The following FRMD4A variants were observed in gnomAD, a reference collection of about 807,000 sequenced individuals.
FRMD4A encodes FERM domain containing 4A, also known as FERM domain-containing protein 4A.
Under a neutral mutation model 129.1 loss-of-function variants are expected in FRMD4A, and 29 were observed. The ratio of observed to expected loss-of-function variants is 0.22; its 90% CI spans 0.17 to 0.31. The LOEUF (loss-of-function observed/expected upper bound fraction) is 0.31, where lower values mean the gene tolerates loss of function less well. Among genes scored for constraint, FRMD4A ranks in the 10% least tolerant of loss-of-function variants. The pLI, the probability that FRMD4A is intolerant of heterozygous loss-of-function variation, is 1.00. For synonymous variants in FRMD4A, 634 were observed against 571.6 expected (o/e 1.11, Z -1.56); for missense variants, 1,272 against 1,375.8 (o/e 0.92, Z 1.19).
chr10:13,678,784 A>AT (rs1272376338), intron 15 of FRMD4A, among the ~76,000 whole-genome samples: 13 of 152,160 alleles, frequency 8.5e-5, no homozygotes, highest in African/African-American at 3.1e-4. Context: ...CTTTAAAAAA[A>AT]TTTTTTTAAT....
Position 14,160,218 on chromosome 10 carries a change from G to A in FRMD4A, c.45+169840C>T, listed in dbSNP as rs553521505. 4.6e-5 allele frequency among the ~76,000 whole-genome samples: 7 copies of A among 152,198 alleles called. No individual in the cohort carries two copies. In the South Asian group the frequency reaches 6.2e-4, roughly 14 times the overall value. ...GTGCCAAGAACATACATTGAGGAAC[G>A]AACATCCTCTTTAATAAATGGCCCT... On this transcript the variant is annotated intron_variant, in intron 2 of 24. Coordinates refer to ENST00000357447, the MANE Select transcript of FRMD4A (RefSeq NM_018027.5).
At chr10:13,858,758 C>T (rs1343440219) in intron 3 of FRMD4A, 89 bp downstream of exon 3, 5 of 808,256 alleles carry the variant, frequency 6.2e-6, no homozygotes, top group Non-Finnish European at 1.1e-5. Context: ...AAACAGTTTA[C>T]CAAATCCCCC....
intron 2 of FRMD4A, among the ~76,000 whole-genome samples, chr10:13,896,178 C>G (rs1162176277): frequency 6.6e-6 from 1 of 152,092 alleles, no homozygotes; most frequent in Non-Finnish European, 1.5e-5. Flanking sequence ...GGTATATACC[C>G]AAAGGATTAT....
chr10:14,296,992 C>T (rs1846030524), intron 2 of FRMD4A, among the ~76,000 whole-genome samples: 1 of 152,212 alleles, frequency 6.6e-6, no homozygotes, highest in Admixed American at 6.5e-5. Context: ...CAATACTTCT[C>T]ATCGTAGTGC....
At position 13,738,734 on chromosome 10, in the gene FRMD4A, C is replaced by T. The variant is rs7091708; in HGVS notation, c.673-804G>A. 9.5e-3 allele frequency among the ~76,000 whole-genome samples: 1,454 copies of T among 152,310 alleles called. 25 individuals carry two copies. Among genetic ancestry groups the T allele is most frequent in the African/African-American group, 0.033 (1,389 of 41,572 alleles). On this transcript the variant is annotated intron_variant, in intron 11 of 24. Coordinates refer to ENST00000357447, the MANE Select transcript of FRMD4A (RefSeq NM_018027.5). ...CTCCCAGGTTCAAGGAATTCACCCA[C>T]CTCAGCCTCCCAAGTAGCTGGGATT...
intron 2 of FRMD4A, among the ~76,000 whole-genome samples, chr10:14,158,910 A>T (rs974297303): frequency 6.6e-6 from 1 of 152,018 alleles, no homozygotes; most frequent in Non-Finnish European, 1.5e-5. Context: ...CACCATGTGG[A>T]TGAAGAGGAA....
At chr10:14,028,658 C>T (rs1007236175) in intron 2 of FRMD4A, among the ~76,000 whole-genome samples, 3 of 151,920 alleles carry the variant, frequency 2.0e-5, no homozygotes, top group Admixed American at 6.5e-5. Flanking sequence ...GGATGGAGAC[C>T]CCCATTTTCC....
In FRMD4A at chr10:13,684,404, G is replaced by A. The variant is rs189119816; in HGVS notation, c.1118-9360C>T. On this transcript the variant is annotated intron_variant, in intron 15 of 24. Coordinates refer to ENST00000357447, the MANE Select transcript of FRMD4A (RefSeq NM_018027.5). ...TGCTATGAACATTGTTTGAGACCCTGGAGACACTGCCTGTGTCACTGTGGG... is the reference window on the plus strand; with the variant it reads ...TGCTATGAACATTGTTTGAGACCCTAGAGACACTGCCTGTGTCACTGTGGG... The A allele has an allele frequency of 1.7e-4, 166 of 984,732 alleles. No individual in the cohort carries two copies. In the African/African-American group the frequency reaches 2.7e-3, roughly 16 times the overall value. 61.0% of individuals were successfully genotyped at this position (984,732 alleles called of 1,614,324 possible).
At chr10:14,301,198 T>A (rs1354719833) in intron 2 of FRMD4A, among the ~76,000 whole-genome samples, 4 of 152,262 alleles carry the variant, frequency 2.6e-5, no homozygotes, top group Admixed American at 6.5e-5. Context: ...TCATATTTTG[T>A]ACTTTCCCAG....
At position 13,666,573 on chromosome 10, in the gene FRMD4A, G is replaced by A. The variant is rs139717394; in HGVS notation, c.1375-248C>T. ...CCATCGCTGAGAACAGAGTTCCCACGATGCAGGTTTAGGGATCGCTTGGCT... is the reference window on the plus strand; with the variant it reads ...CCATCGCTGAGAACAGAGTTCCCACAATGCAGGTTTAGGGATCGCTTGGCT... On this transcript the variant is annotated intron_variant, in intron 17 of 24. Transcript: ENST00000357447. Among the ~76,000 whole-genome samples the A allele has an allele frequency of 1.6e-4, 25 of 152,310 alleles. No homozygotes were observed. In the East Asian group the frequency reaches 2.7e-3, roughly 16 times the overall value.
At chr10:13,969,795 C>T (rs1330641234) in intron 2 of FRMD4A, among the ~76,000 whole-genome samples, 2 of 152,140 alleles carry the variant, frequency 1.3e-5, no homozygotes. Flanking sequence ...TGCAATGAGT[C>T]GTGATTGCAC....
At chr10:13,787,357 C>T (rs947897090) in intron 5 of FRMD4A, among the ~76,000 whole-genome samples, 6 of 152,210 alleles carry the variant, frequency 3.9e-5, no homozygotes, top group Non-Finnish European at 5.9e-5. Flanking sequence ...GACCTCTCCA[C>T]CCGCACGCCC....
intron 2 of FRMD4A, among the ~76,000 whole-genome samples, chr10:14,075,825 C>T (rs1252506306): frequency 6.6e-6 from 1 of 152,156 alleles, no homozygotes; most frequent in African/African-American, 2.4e-5. Flanking sequence ...CAACAAACCA[C>T]ATCTGATGAT....
In FRMD4A at chr10:13,703,007, C is replaced by T. The variant is rs562038498; in HGVS notation, c.837-1529G>A. On this transcript the variant is annotated intron_variant, in intron 13 of 24. Transcript: ENST00000357447. ...GGGAGAGAGCGAGGGGGAGATCCCT[C>T]GCCAGTCTCTCTAAATTTAAAAGAA... Among the ~76,000 whole-genome samples the T allele has an allele frequency of 3.2e-4, 49 of 151,880 alleles. 1 individual carries two copies. In the South Asian group the frequency reaches 9.0e-3, roughly 28 times the overall value.
chr10:14,010,664 C>CTTTTTGTTTTTTTTTTTTTTTT, intron 2 of FRMD4A, among the ~76,000 whole-genome samples: 1 of 76,418 alleles, frequency 1.3e-5, no homozygotes, highest in Non-Finnish European at 2.4e-5. Flanking sequence ...GAGTTTAGGT[C>CTTTTTGTTTTTTTTTTTTTTTT]TTTTTTTTTT....
chr10:14,075,708 T>C (rs1376320592), intron 2 of FRMD4A, among the ~76,000 whole-genome samples: 1 of 151,812 alleles, frequency 6.6e-6, no homozygotes, highest in African/African-American at 2.4e-5. Context: ...CCATATGCTG[T>C]ATAGTATGTG....
intron 2 of FRMD4A, among the ~76,000 whole-genome samples, chr10:13,893,942 C>A (rs948111780): frequency 6.6e-6 from 1 of 152,214 alleles, no homozygotes; most frequent in Non-Finnish European, 1.5e-5. Context: ...GAACTTGCCT[C>A]ACTGGCCAAT....
Position 13,654,461 on chromosome 10 carries a change from G to A in FRMD4A, c.3005C>T (p.Ala1002Val). Residue 1002 changes from alanine (A) to valine (V), a missense_variant, in exon 23 of 25, where the codon GCC (alanine) becomes GTC (valine). Transcript: ENST00000357447. The stretch of plus-strand genomic sequence containing the variant: ...GTGGTGGGGGCTGCTTGGGGGGGTG[G>A]CTCCAATTTCACTTGACGGTGTCGA... ...RSSTPSSEIGATPPSSPHHIL... is the reference protein window; with the variant it reads ...RSSTPSSEIGVTPPSSPHHIL... 3 of 1,613,688 alleles carry A rather than the reference G, an allele frequency of 1.9e-6. No homozygotes were observed. Among genetic ancestry groups the A allele is most frequent in the Non-Finnish European group, 2.5e-6 (3 of 1,179,628 alleles).
At chr10:14,211,628 C>G (rs915030048) in intron 2 of FRMD4A, among the ~76,000 whole-genome samples, 1 of 152,160 alleles carries the variant, frequency 6.6e-6, no homozygotes, top group Non-Finnish European at 1.5e-5. Flanking sequence ...TTCTACTTAT[C>G]TTGGGTCCTC....
Sources: allele counts gnomAD v4.1 joint callset (sites outside exome capture counted in the v4.1 genomes callset), GRCh38; gene constraint gnomAD v4.1.1; transcripts MANE v1.5; gene names NCBI Gene and HGNC (gene_info 2026-07-23, HGNC 2026-07-21).